PIK3C2G: variants seen among roughly 807,000 people sequenced by gnomAD.
PIK3C2G encodes the protein phosphatidylinositol 3-kinase C2 domain-containing subunit gamma.
A neutral mutation model predicts 181.1 loss-of-function variants in PIK3C2G; 168 were observed. The observed-to-expected ratio is 0.93, with a 90% CI of 0.82 to 1.05. The LOEUF is 1.05. Among genes scored for constraint, PIK3C2G ranks in the 50% least tolerant of loss-of-function variants. The probability of loss-of-function intolerance (pLI) is 0.00; values close to 1 mark genes in which losing one functional copy is unlikely to be tolerated. For missense variants in PIK3C2G, 1,869 were observed against 1,732.8 expected (o/e 1.08, Z -1.40); for synonymous variants, 573 against 592.2 (o/e 0.97, Z 0.47).
the PIK3C2G span, among the ~76,000 whole-genome samples, chr12:18,656,828 T>C: frequency 2.0e-5 from 3 of 152,170 alleles, no homozygotes; most frequent in Admixed American, 1.3e-4. Flanking sequence ...TTGAAACCAA[T>C]CAAATTTTGC....
intron 1 of PIK3C2G, among the ~76,000 whole-genome samples, chr12:18,252,251 G>T (rs1243316567): frequency 1.3e-5 from 2 of 152,100 alleles, no homozygotes; most frequent in South Asian, 2.1e-4. Flanking sequence ...AGTGAGCAAG[G>T]TTAGTCTCTC....
chr12:18,709,392 C>A, the PIK3C2G span, among the ~76,000 whole-genome samples: 2 of 152,094 alleles, frequency 1.3e-5, no homozygotes, highest in African/African-American at 4.8e-5. Context: ...TTTTTCTGCA[C>A]AGGACCATGC....
chr12:18,623,954 A>G (rs967610649), intron 31 of PIK3C2G, among the ~76,000 whole-genome samples: 3 of 151,768 alleles, frequency 2.0e-5, no homozygotes, highest in Non-Finnish European at 3.0e-5. Flanking sequence ...TGAGTTATCT[A>G]TATATAAAAT....
At chr12:18,295,776 A>G (rs1189134143) in intron 5 of PIK3C2G, among the ~76,000 whole-genome samples, 1 of 152,014 alleles carries the variant, frequency 6.6e-6, no homozygotes, top group Non-Finnish European at 1.5e-5. Flanking sequence ...TTTAAGAGTA[A>G]TAGCCTATTT....
chr12:18,297,746 T>TA (rs778707108), intron 5 of PIK3C2G, among the ~76,000 whole-genome samples: 1 of 152,018 alleles, frequency 6.6e-6, no homozygotes, highest in Non-Finnish European at 1.5e-5. Context: ...CTCCGTGAGA[T>TA]AACCATTTTT....
chr12:18,260,266 T>C (rs1401008451), upstream of PIK3C2G, among the ~76,000 whole-genome samples: 2 of 152,068 alleles, frequency 1.3e-5, no homozygotes, highest in Admixed American at 6.6e-5. Flanking sequence ...TAGTGGCTCA[T>C]TTTAGGAATT....
chr12:18,339,582 A>G lies in PIK3C2G; in HGVS notation c.1395+1034A>G, dbSNP rs535350858. ...ACAAGAGAAATTCTACTACTTTTGA[A>G]TATGCCAATCTTGAAATTTTCAAAA... On this transcript the variant is annotated intron_variant, in intron 9 of 32. Transcript: ENST00000538779. Among the ~76,000 whole-genome samples, 36 of 152,276 alleles carry G rather than the reference A, an allele frequency of 2.4e-4. 1 individual carries two copies. The South Asian group carries it at 7.5e-3, about 32-fold the overall frequency.
rs971525578 is a variant in PIK3C2G at position 18,562,860 on chromosome 12, A to G, written c.3748A>G (p.Thr1250Ala). Residue 1250 changes from threonine to alanine, a missense_variant, in exon 27 of 33, where the codon ACA becomes GCA. By Grantham distance (58) the Thr-to-Ala change is moderately conservative. Coordinates refer to ENST00000538779, the MANE Select transcript of PIK3C2G (RefSeq NM_001288772.2). ...TACAACTAGGTCGATTGAAAGAGCA[A>G]CAATTTTAGGGTTCAGCAAGAAATC... ...LSTTRSIERA[T>A]ILGFSKKSSN... The G allele has an allele frequency of 2.9e-5, 46 of 1,604,486 alleles. No individual in the cohort carries two copies. Among genetic ancestry groups the G allele is most frequent in the Middle Eastern group, 1.6e-4 (1 of 6,072 alleles).
rs1942854512 is a variant in PIK3C2G at position 18,381,810 on chromosome 12, G to C, written c.1925G>C (p.Ser642Thr). 2 of 1,613,802 alleles carry C rather than the reference G, an allele frequency of 1.2e-6. No individual in the cohort carries two copies. Among genetic ancestry groups the C allele is most frequent in the Non-Finnish European group, 1.7e-6 (2 of 1,179,708 alleles). Residue 642 changes from serine to threonine, a missense_variant, in exon 14 of 33, where the codon AGT (serine) becomes ACT (threonine). Transcript: ENST00000538779. Reference sequence around the variant, plus strand: ...ATGCTGTTCAGCATGACATTACAGAGTGAGCCTCCCGTAGAAATGATAACT... The same window carrying C: ...ATGCTGTTCAGCATGACATTACAGACTGAGCCTCCCGTAGAAATGATAACT... Reference protein sequence around the residue: ...GSMLFSMTLQSEPPVEMITPG... With the variant: ...GSMLFSMTLQTEPPVEMITPG...
chr12:18,458,111 A>G (rs577724894), intron 18 of PIK3C2G, among the ~76,000 whole-genome samples: 2 of 152,310 alleles, frequency 1.3e-5, no homozygotes, highest in South Asian at 4.1e-4. Flanking sequence ...TACTACCTTC[A>G]TCTTATCCAC....
intron 15 of PIK3C2G, 75 bp downstream of exon 15, chr12:18,391,327 A>G: frequency 9.2e-7 from 1 of 1,087,358 alleles, no homozygotes; most frequent in Non-Finnish European, 1.3e-6. Flanking sequence ...GAAGCATGAT[A>G]GCTTCAAAGA....
intron 31 of PIK3C2G, among the ~76,000 whole-genome samples, chr12:18,625,763 C>G (rs1949069552): frequency 6.6e-6 from 1 of 151,754 alleles, no homozygotes. Flanking sequence ...ACCCCTTTAC[C>G]ATTATACAAT....
At chr12:18,619,965 C>T (rs928244162) in intron 31 of PIK3C2G, among the ~76,000 whole-genome samples, 93 of 152,168 alleles carry the variant, frequency 6.1e-4, no homozygotes, top group African/African-American at 2.1e-3. Flanking sequence ...ACCTCGTGAT[C>T]CGCCCACCAC....
chr12:18,382,038 T>C (rs1942878276), intron 14 of PIK3C2G, among the ~76,000 whole-genome samples, 158 bp downstream of exon 14: 1 of 152,230 alleles, frequency 6.6e-6, no homozygotes, highest in Non-Finnish European at 1.5e-5. Context: ...ACTGCTTTTA[T>C]GTACAGTACT....
Position 18,362,858 on chromosome 12 carries a change from T to C in PIK3C2G, c.1720T>C (p.Phe574Leu). The C allele has an allele frequency of 1.3e-6, 2 of 1,501,600 alleles. No individual in the cohort carries two copies. The highest frequency in any genetic ancestry group is 1.8e-6 in the Non-Finnish European group (2 of 1,125,516). 93.0% of individuals were successfully genotyped at this position (1,501,600 alleles called of 1,614,324 possible). A position where few individuals can be genotyped will look rare whatever the true frequency, so the allele number is the denominator to read the frequency against. ...CAGAAATATTCCAGACAAGAAATTA[T>C]TTTTTTTCTTGGTCAACTGGAATGA... Reference protein sequence around the residue: ...NYRNIPDKKLFFFLVNWNETI... With the variant: ...NYRNIPDKKLLFFLVNWNETI... The change falls in exon 12 of 33, where the codon TTT (phenylalanine) becomes CTT (leucine). Residue 574 changes from phenylalanine to leucine, a missense_variant. Phe to Leu is a conservative substitution (Grantham distance 22). Coordinates refer to ENST00000538779, the MANE Select transcript of PIK3C2G (RefSeq NM_001288772.2).
chr12:18,287,680 A>T (rs576373479), intron 3 of PIK3C2G, among the ~76,000 whole-genome samples: 28 of 150,416 alleles, frequency 1.9e-4, no homozygotes, highest in Non-Finnish European at 3.2e-4. Flanking sequence ...AAGTGGTGAG[A>T]CCCTGTCTCT....
intron 24 of PIK3C2G, among the ~76,000 whole-genome samples, chr12:18,518,655 A>C (rs534141976): frequency 4.6e-4 from 70 of 151,950 alleles, no homozygotes; most frequent in Admixed American, 1.8e-3. Context: ...ATAGCTATCT[A>C]TTTTGTTAAT....
chr12:18,509,263 G>A (rs1343929447), intron 24 of PIK3C2G, among the ~76,000 whole-genome samples: 1 of 152,062 alleles, frequency 6.6e-6, no homozygotes, highest in Non-Finnish European at 1.5e-5. Flanking sequence ...GGCCAGACTG[G>A]TCTCGAACTC....
intron 11 of PIK3C2G, among the ~76,000 whole-genome samples, chr12:18,357,966 T>C (rs953143723): frequency 6.6e-5 from 10 of 152,348 alleles, no homozygotes; most frequent in East Asian, 1.9e-4. Flanking sequence ...TCATTGTATG[T>C]ATATACCATG....
Sources: allele counts gnomAD v4.1 joint callset (sites outside exome capture counted in the v4.1 genomes callset), GRCh38; gene constraint gnomAD v4.1.1; transcripts MANE v1.5; gene names NCBI Gene and HGNC (gene_info 2026-07-23, HGNC 2026-07-21).